Variants in SIPA1L1 observed in about 807,000 individuals in gnomAD.
SIPA1L1 encodes signal-induced proliferation-associated 1-like protein 1.
SIPA1L1 carries 26 observed loss-of-function variants against 162.7 expected under a neutral mutation model. The ratio of observed to expected loss-of-function variants is 0.16; its 90% confidence interval spans 0.12 to 0.22. The LOEUF is 0.22. Ranked by LOEUF, SIPA1L1 falls within the 10% of genes least tolerant of loss-of-function variation. SIPA1L1 has a pLI of 1.00. For missense variants in SIPA1L1, 1,874 were observed against 2,241.0 expected (o/e 0.84, Z 3.31); for synonymous variants, 829 against 837.4 (o/e 0.99, Z 0.17).
At chr14:71,496,765 T>C (rs1282573444) in intron 2 of SIPA1L1, among the ~76,000 whole-genome samples, 2 of 152,226 alleles carry the variant, frequency 1.3e-5, no homozygotes, top group African/African-American at 4.8e-5. Flanking sequence ...TGTTGTTAGG[T>C]TGCATGTAGG....
chr14:71,427,047 A>G (rs1030630979), intron 2 of SIPA1L1, among the ~76,000 whole-genome samples: 2 of 152,244 alleles, frequency 1.3e-5, no homozygotes, highest in African/African-American at 4.8e-5. Context: ...CACAGAGCAA[A>G]CAAAAAATGC....
intron 2 of SIPA1L1, among the ~76,000 whole-genome samples, chr14:71,447,612 G>A (rs1055160643): frequency 1.3e-5 from 2 of 149,790 alleles, no homozygotes; most frequent in Admixed American, 1.3e-4. Context: ...TGCCCAGGCT[G>A]GAGTGCAGTG....
chr14:71,356,567 C>CCAA (rs777415215), intron 2 of SIPA1L1, among the ~76,000 whole-genome samples: 2 of 39,172 alleles, frequency 5.1e-5, no homozygotes, highest in African/African-American at 2.2e-4. Context: ...CTTGTCTCTA[C>CCAA]AAAAAAAAAA....
chr14:71,466,286 A>G (rs1348288892), intron 2 of SIPA1L1, among the ~76,000 whole-genome samples: 2 of 152,152 alleles, frequency 1.3e-5, no homozygotes, highest in Non-Finnish European at 2.9e-5. Flanking sequence ...GCTGTTTACT[A>G]GGGGAGAGGC....
chr14:71,640,944 T>G (rs1370014002), intron 7 of SIPA1L1, among the ~76,000 whole-genome samples: 2 of 152,008 alleles, frequency 1.3e-5, no homozygotes, highest in Non-Finnish European at 2.9e-5. Context: ...ACTCTAAAAC[T>G]AAAAAACCCC....
chr14:71,462,297 G>A (rs1352674291), intron 2 of SIPA1L1, among the ~76,000 whole-genome samples: 3 of 152,188 alleles, frequency 2.0e-5, no homozygotes, highest in Non-Finnish European at 4.4e-5. Flanking sequence ...GGCCTGCTGA[G>A]GGCTCCAAAC....
At chr14:71,693,971 A>G (rs1456820891) in intron 13 of SIPA1L1, among the ~76,000 whole-genome samples, 4 of 152,152 alleles carry the variant, frequency 2.6e-5, no homozygotes, top group African/African-American at 2.4e-5. Flanking sequence ...GTCCTTGTAC[A>G]TATCTCATGT....
intron 2 of SIPA1L1, among the ~76,000 whole-genome samples, chr14:71,409,125 G>T (rs973094436): frequency 1.3e-5 from 2 of 152,166 alleles, no homozygotes; most frequent in African/African-American, 2.4e-5. Context: ...TTTAAAGTGA[G>T]TATATCTGTA....
At chr14:71,591,612 A>G (rs1002519186) in intron 5 of SIPA1L1, among the ~76,000 whole-genome samples, 2 of 152,180 alleles carry the variant, frequency 1.3e-5, no homozygotes, top group African/African-American at 4.8e-5. Flanking sequence ...ATATCAACTC[A>G]AGCAGGGAAT....
chr14:71,715,426 A>C (rs930975493), intron 17 of SIPA1L1, among the ~76,000 whole-genome samples: 1 of 152,256 alleles, frequency 6.6e-6, no homozygotes, highest in African/African-American at 2.4e-5. Context: ...TTCACTGGCC[A>C]GCAAACTGCA....
intron 10 of SIPA1L1, among the ~76,000 whole-genome samples, chr14:71,663,811 G>T (rs892726952): frequency 1.3e-5 from 2 of 152,214 alleles, no homozygotes; most frequent in African/African-American, 4.8e-5. Flanking sequence ...ATGTGGGCAG[G>T]TCTGGAATTT....
At chr14:71,646,263 G>A (rs1641035672) in intron 7 of SIPA1L1, among the ~76,000 whole-genome samples, 1 of 150,930 alleles carries the variant, frequency 6.6e-6, no homozygotes, top group African/African-American at 2.4e-5. Context: ...TGCAAGCTCA[G>A]CCTCCCGGGT....
At chr14:71,560,963 TC>T (rs1340992865) in intron 4 of SIPA1L1, among the ~76,000 whole-genome samples, 2 of 152,204 alleles carry the variant, frequency 1.3e-5, no homozygotes, top group African/African-American at 4.8e-5. Flanking sequence ...TTTAGAGACT[TC>T]CTTGTTATTA....
intron 20 of SIPA1L1, 46 bp downstream of exon 20, chr14:71,730,347 G>A (rs2084651155): frequency 1.2e-6 from 2 of 1,604,030 alleles, no homozygotes; most frequent in South Asian, 1.1e-5. Flanking sequence ...GTTGATGATG[G>A]TCAGTGTCCC....
At chr14:71,560,591 CT>C (rs1290745143) in intron 4 of SIPA1L1, among the ~76,000 whole-genome samples, 29 of 152,326 alleles carry the variant, frequency 1.9e-4, no homozygotes, top group Middle Eastern at 3.4e-3. Flanking sequence ...CTAGTTACCC[CT>C]AAACCAGTCC....
rs537014261 is a variant in SIPA1L1 at position 71,668,976 on chromosome 14, C to T, written c.2256-2143C>T. On this transcript the variant is annotated intron_variant, in intron 10 of 23. Coordinates refer to ENST00000381232, the MANE Select transcript of SIPA1L1 (RefSeq NM_001386936.1). ...ATATTCTGTTTAGCTTAAACCAGGC[C>T]TTATTATCAAGAGTTCAGAATTTGT... is the stretch of plus-strand genomic sequence containing the variant. Among the ~76,000 whole-genome samples, 120 of 152,238 alleles carry T rather than the reference C, an allele frequency of 7.9e-4. 1 individual carries two copies. The highest frequency in any genetic ancestry group is 6.8e-3 in the Middle Eastern group (2 of 294).
intron 2 of SIPA1L1, among the ~76,000 whole-genome samples, chr14:71,356,395 T>C (rs535698837): frequency 6.6e-6 from 1 of 150,922 alleles, no homozygotes; most frequent in East Asian, 1.9e-4. Flanking sequence ...ATCAATAATA[T>C]AAGCTTTTAA....
chr14:71,502,897 C>T (rs2050372910), intron 2 of SIPA1L1, among the ~76,000 whole-genome samples: 2 of 152,272 alleles, frequency 1.3e-5, no homozygotes, highest in Non-Finnish European at 2.9e-5. Context: ...TAGCATAGTG[C>T]ATTCCTTATA....
At chr14:71,343,928 A>G (rs1482151086) in intron 2 of SIPA1L1, among the ~76,000 whole-genome samples, 1 of 152,244 alleles carries the variant, frequency 6.6e-6, no homozygotes, top group Non-Finnish European at 1.5e-5. Context: ...ATACTAATCT[A>G]TGCTAGATGA....
Sources: gnomAD v4.1 joint callset for allele counts (sites outside exome capture counted in the v4.1 genomes callset) on GRCh38, gnomAD v4.1.1 for gene constraint, MANE v1.5 for transcripts, NCBI Gene and HGNC (gene_info 2026-07-23, HGNC 2026-07-21) for gene names.